The following UBE2R2 variants were observed in gnomAD, a reference collection of about 807,000 sequenced individuals.
The protein encoded by UBE2R2 is ubiquitin-conjugating enzyme E2 R2.
In UBE2R2, 1 loss-of-function variant was observed where a neutral mutation model predicts 27.8. The ratio of observed to expected loss-of-function variants is 0.04; its 90% CI spans 0.01 to 0.17. The LOEUF is 0.17. Ranked by LOEUF, UBE2R2 falls within the 10% of genes least tolerant of loss-of-function variation. The pLI is 1.00. For synonymous variants in UBE2R2, 106 were observed against 113.3 expected, an observed-to-expected ratio of 0.94 and a Z score of 0.41; for missense variants, 100 against 291.0, an observed-to-expected ratio of 0.34 and a Z score of 4.78.
At chr9:33,858,915 C>T (rs1233376476) in intron 1 of UBE2R2, among the ~76,000 whole-genome samples, 2 of 152,022 alleles carry the variant, frequency 1.3e-5, no homozygotes, top group Non-Finnish European at 2.9e-5. Flanking sequence ...ACTTCTGCTC[C>T]CCTGGGTTCA....
chr9:33,819,669 C>T (rs541539994), intron 1 of UBE2R2, among the ~76,000 whole-genome samples: 31 of 149,524 alleles, frequency 2.1e-4, no homozygotes, highest in Admixed American at 2.0e-4. Context: ...GACGGAGTCT[C>T]GCTCTGTCAC....
intron 1 of UBE2R2, among the ~76,000 whole-genome samples, chr9:33,833,977 A>G (rs1014257298): frequency 2.0e-5 from 3 of 152,172 alleles, no homozygotes; most frequent in Non-Finnish European, 4.4e-5. Context: ...TCTGAATTTC[A>G]TCCCTTTTAA....
intron 1 of UBE2R2, among the ~76,000 whole-genome samples, chr9:33,872,920 A>T (rs1483966460): frequency 6.6e-6 from 1 of 152,126 alleles, no homozygotes; most frequent in African/African-American, 2.4e-5. Context: ...CTCACCTGTA[A>T]TCCCAGCACT....
At chr9:33,831,884 C>G (rs1820492531) in intron 1 of UBE2R2, among the ~76,000 whole-genome samples, 1 of 151,818 alleles carries the variant, frequency 6.6e-6, no homozygotes, top group Admixed American at 6.6e-5. Context: ...TGGTCTCAAA[C>G]TCCCGAACTC....
chr9:33,861,847 C>CTT (rs775634986), intron 1 of UBE2R2, among the ~76,000 whole-genome samples: 6,504 of 95,354 alleles, frequency 0.068, 317 homozygotes, highest in Non-Finnish European at 0.11. Flanking sequence ...GATCCACTTT[C>CTT]TTTTTTTTTT....
intron 1 of UBE2R2, among the ~76,000 whole-genome samples, chr9:33,881,724 G>A (rs1821735778): frequency 6.6e-6 from 1 of 152,176 alleles, no homozygotes; most frequent in Non-Finnish European, 1.5e-5. Flanking sequence ...CAAAGATGAA[G>A]TGCCTTACTT....
chr9:33,896,408 A>G (rs1276371702), intron 2 of UBE2R2, among the ~76,000 whole-genome samples: 3 of 151,438 alleles, frequency 2.0e-5, no homozygotes, highest in African/African-American at 4.9e-5. Context: ...GTCTTTCACC[A>G]TTGTCACCAC....
At chr9:33,915,634 A>G (rs890704192) in intron 4 of UBE2R2, among the ~76,000 whole-genome samples, 3 of 152,214 alleles carry the variant, frequency 2.0e-5, no homozygotes, top group African/African-American at 7.2e-5. Context: ...TTGTTGAAGG[A>G]AACAATTTAT....
At chr9:33,842,707 T>G (rs962291635) in intron 1 of UBE2R2, among the ~76,000 whole-genome samples, 1 of 152,202 alleles carries the variant, frequency 6.6e-6, no homozygotes, top group African/African-American at 2.4e-5. Context: ...TAGATTCTTC[T>G]CTTGATATTT....
At chr9:33,844,228 G>C (rs1820790023) in intron 1 of UBE2R2, among the ~76,000 whole-genome samples, 1 of 152,240 alleles carries the variant, frequency 6.6e-6, no homozygotes, top group East Asian at 1.9e-4. Flanking sequence ...ATTTTTGAGA[G>C]AGTTTCACTC....
chr9:33,844,859 C>G (rs1056150078), intron 1 of UBE2R2, among the ~76,000 whole-genome samples: 1 of 151,190 alleles, frequency 6.6e-6, no homozygotes, highest in African/African-American at 2.4e-5. Flanking sequence ...TTCCACCTCC[C>G]GGGTTCAAGC....
chr9:33,886,673 A>AAAG (rs397811736), intron 1 of UBE2R2, among the ~76,000 whole-genome samples: 1 of 149,740 alleles, frequency 6.7e-6, no homozygotes, highest in South Asian at 2.1e-4. Context: ...AAAAAAAAAA[A>AAAG]GGCTTTTATA....
intron 2 of UBE2R2, among the ~76,000 whole-genome samples, chr9:33,891,055 G>GTTTTTTTTTTTTTTGTTT (rs776729663): frequency 1.6e-5 from 2 of 126,098 alleles, no homozygotes; most frequent in East Asian, 2.3e-4. Context: ...GTGTTTTTTT[G>GTTTTTTTTTTTTTTGTTT]TTTTTTTTTT....
chr9:33,857,760 T>TA (rs1384425455), intron 1 of UBE2R2, among the ~76,000 whole-genome samples: 1 of 152,250 alleles, frequency 6.6e-6, no homozygotes, highest in East Asian at 1.9e-4. Flanking sequence ...CTGGCATGGT[T>TA]AACCTTTATG....
At chr9:33,873,989 C>A (rs982188952) in intron 1 of UBE2R2, among the ~76,000 whole-genome samples, 5 of 150,736 alleles carry the variant, frequency 3.3e-5, no homozygotes, top group African/African-American at 9.8e-5. Context: ...GTTCTGTCAC[C>A]CAGGCTGGAG....
chr9:33,910,640 A>G (rs1428311976), intron 3 of UBE2R2, among the ~76,000 whole-genome samples: 1 of 152,228 alleles, frequency 6.6e-6, no homozygotes, highest in Non-Finnish European at 1.5e-5. Context: ...GTAGGTACAT[A>G]GTAAATACTT....
In UBE2R2 at chr9:33,886,942, A is replaced by G. The variant is rs1564000408; in HGVS notation, c.239A>G (p.Lys80Arg). The G allele has an allele frequency of 6.2e-7, 1 of 1,601,286 alleles. No individual in the cohort carries two copies. The highest frequency in any genetic ancestry group is 2.2e-5 in the East Asian group (1 of 44,568). ...YSPPTFRFLT[K>R]MWHPNIYENG... ...CCACCTACCTTCAGATTCTTGACCA[A>G]AATGTGGCACCCCAACATTTATGAG... Residue 80 changes from lysine (K) to arginine (R), a missense_variant, in exon 2 of 5, where the codon AAA becomes AGA. Physicochemically the swap from Lys to Arg is conservative, Grantham distance 26. This residue lies in a region of UBE2R2 where 43 missense variants were observed against 129.2 expected (regional missense o/e 0.33). Coordinates refer to ENST00000263228, the MANE Select transcript of UBE2R2 (RefSeq NM_017811.4).
rs1821981939 is a variant in UBE2R2, at chr9:33,891,298, C to CA, written c.264+4334dup. Among the ~76,000 whole-genome samples, 3 of 151,736 alleles carry CA rather than the reference C, an allele frequency of 2.0e-5. No individual in the cohort carries two copies. The South Asian group carries it at 6.3e-4, about 32-fold the overall frequency. On this transcript the variant is annotated intron_variant, in intron 2 of 4. Transcript: ENST00000263228. ...TCGTGATCCACCTGCCTCGGCCTCC[C>CA]AAAGTGCTGGGATTACAGGAGTGAG... is the stretch of plus-strand genomic sequence containing the variant.
intron 4 of UBE2R2, among the ~76,000 whole-genome samples, chr9:33,915,998 T>G (rs551297451): frequency 6.6e-6 from 1 of 152,092 alleles, no homozygotes; most frequent in African/African-American, 2.4e-5. Flanking sequence ...GTGTCCGAGA[T>G]GCCAAAAAAA....
Sources: allele counts gnomAD v4.1 joint callset (sites outside exome capture counted in the v4.1 genomes callset), GRCh38; gene constraint gnomAD v4.1.1; regional missense constraint gnomAD v4.1.1; transcripts MANE v1.5; gene names NCBI Gene and HGNC (gene_info 2026-07-23, HGNC 2026-07-21).